FSTL4: variants seen among roughly 807,000 people sequenced by gnomAD.
The protein encoded by FSTL4 is follistatin-related protein 4.
In FSTL4, 28 loss-of-function variants were observed where a neutral mutation model predicts 78.2. The observed-to-expected ratio is 0.36, with a 90% CI of 0.27 to 0.49. FSTL4 has a LOEUF of 0.49. Ranked by LOEUF, FSTL4 falls within the 20% of genes least tolerant of loss-of-function variation. FSTL4 has a pLI of 0.98. For missense variants in FSTL4, 922 were observed against 1,084.9 expected, an observed-to-expected ratio of 0.85 and a Z score of 2.11; for synonymous variants, 422 against 440.5, an observed-to-expected ratio of 0.96 and a Z score of 0.53.
intron 4 of FSTL4, among the ~76,000 whole-genome samples, chr5:133,347,751 A>C (rs1348123110): frequency 6.6e-6 from 1 of 152,228 alleles, no homozygotes; most frequent in African/African-American, 2.4e-5. Flanking sequence ...GATTAATAAA[A>C]ACAAAAACAA....
chr5:133,397,622 A>G (rs1400602862), intron 4 of FSTL4, among the ~76,000 whole-genome samples: 1 of 150,878 alleles, frequency 6.6e-6, no homozygotes, highest in Non-Finnish European at 1.5e-5. Context: ...TCCCCCCACC[A>G]GTCCTCAGGA....
At chr5:133,342,142 G>T (rs79709042) in intron 4 of FSTL4, among the ~76,000 whole-genome samples, 15,933 of 152,184 alleles carry the variant, frequency 0.1, 1,032 homozygotes, top group African/African-American at 0.17. Flanking sequence ...CCTGTTGACA[G>T]GAGGGGGCAC....
At chr5:133,768,830 G>T in the FSTL4 span, among the ~76,000 whole-genome samples, 1 of 152,228 alleles carries the variant, frequency 6.6e-6, no homozygotes, top group Non-Finnish European at 1.5e-5. Context: ...GCTTTGAAAA[G>T]TGTTTCAATG....
chr5:133,623,983 T>C, the FSTL4 span, among the ~76,000 whole-genome samples: 1 of 152,064 alleles, frequency 6.6e-6, no homozygotes, highest in African/African-American at 2.4e-5. Flanking sequence ...TATGAATCAC[T>C]GGAAGCCTCA....
Position 133,406,605 on chromosome 5 carries a change from C to T in FSTL4, c.161-5619G>A, listed in dbSNP as rs559290604. On this transcript the variant is annotated intron_variant, in intron 3 of 15. Transcript: ENST00000265342. ...CGTCAGGTCCACCTCCACCCTGTAA[C>T]GCCTCATTTATATTCAAGGGTTGGG... Among the ~76,000 whole-genome samples the T allele has an allele frequency of 1.1e-4, 17 of 152,276 alleles. No homozygotes were observed. In the South Asian group the frequency reaches 3.1e-3, roughly 28 times the overall value.
At chr5:133,804,816 C>T in the FSTL4 span, among the ~76,000 whole-genome samples, 10 of 151,812 alleles carry the variant, frequency 6.6e-5, no homozygotes, top group East Asian at 3.9e-4. Context: ...TTGTGGCGGG[C>T]GCCTGTAGTC....
intron 4 of FSTL4, among the ~76,000 whole-genome samples, chr5:133,350,740 C>A (rs547476762): frequency 6.6e-6 from 1 of 152,294 alleles, no homozygotes; most frequent in South Asian, 2.1e-4. Context: ...ATTCTGCCAT[C>A]CCCTGGGTGT....
intron 2 of FSTL4, among the ~76,000 whole-genome samples, chr5:133,589,745 A>G (rs1481950355): frequency 6.6e-6 from 1 of 152,086 alleles, no homozygotes; most frequent in Non-Finnish European, 1.5e-5. Context: ...CCAAAGCTCA[A>G]TGTCATCAAA....
chr5:133,480,264 T>C (rs1758001597), intron 3 of FSTL4, among the ~76,000 whole-genome samples: 1 of 152,236 alleles, frequency 6.6e-6, no homozygotes, highest in Non-Finnish European at 1.5e-5. Context: ...TAAGCCTCCG[T>C]TTCCTCATCT....
At chr5:133,229,481 C>G (rs569582026) in intron 8 of FSTL4, among the ~76,000 whole-genome samples, 1 of 151,966 alleles carries the variant, frequency 6.6e-6, no homozygotes, top group East Asian at 1.9e-4. Flanking sequence ...CTAGATCATG[C>G]TATTGCACTC....
At chr5:133,213,528 T>C (rs1053277087) in intron 13 of FSTL4, among the ~76,000 whole-genome samples, 1 of 152,170 alleles carries the variant, frequency 6.6e-6, no homozygotes, top group Admixed American at 6.5e-5. Flanking sequence ...AGTTGAAGTG[T>C]TTTATGGTTC....
At chr5:133,320,905 G>C (rs1175632060) in intron 4 of FSTL4, among the ~76,000 whole-genome samples, 1 of 151,192 alleles carries the variant, frequency 6.6e-6, no homozygotes, top group African/African-American at 2.4e-5. Flanking sequence ...TACTCGGGAG[G>C]CTGAGGCAGG....
At chr5:133,267,576 G>A (rs925331973) in intron 6 of FSTL4, among the ~76,000 whole-genome samples, 7 of 152,164 alleles carry the variant, frequency 4.6e-5, no homozygotes, top group East Asian at 1.9e-4. Context: ...AAGCACCATG[G>A]CCATAGTGCT....
chr5:133,736,900 C>T, the FSTL4 span, among the ~76,000 whole-genome samples: 2 of 151,950 alleles, frequency 1.3e-5, no homozygotes, highest in Admixed American at 6.6e-5. Context: ...AAGCTGGAGA[C>T]GTGCCCACAG....
the FSTL4 span, among the ~76,000 whole-genome samples, chr5:133,816,932 G>A: frequency 6.6e-6 from 1 of 152,144 alleles, no homozygotes; most frequent in African/African-American, 2.4e-5. Context: ...GGGAGATCAG[G>A]GGTGTAAAGA....
intron 6 of FSTL4, among the ~76,000 whole-genome samples, chr5:133,283,916 T>C (rs1581592141): frequency 6.6e-6 from 1 of 152,146 alleles, no homozygotes; most frequent in Non-Finnish European, 1.5e-5. Flanking sequence ...TGTCTTAATA[T>C]GGCAGAGCAG....
chr5:133,329,701 A>G (rs974766850), intron 4 of FSTL4, among the ~76,000 whole-genome samples: 11 of 152,176 alleles, frequency 7.2e-5, no homozygotes, highest in Non-Finnish European at 1.5e-4. Flanking sequence ...TGCCTTCCCC[A>G]GCCCCCTGAC....
the FSTL4 span, among the ~76,000 whole-genome samples, chr5:133,765,182 T>C: frequency 6.6e-6 from 1 of 152,228 alleles, no homozygotes; most frequent in Non-Finnish European, 1.5e-5. Context: ...TGAAGTGGAT[T>C]TCTGTAGAAT....
the FSTL4 span, among the ~76,000 whole-genome samples, chr5:133,823,355 A>G: frequency 6.6e-6 from 1 of 152,198 alleles, no homozygotes; most frequent in South Asian, 2.1e-4. Flanking sequence ...ACTTCAGCAC[A>G]GCCCCAAATC....
Sources: gnomAD v4.1 joint callset for allele counts (sites outside exome capture counted in the v4.1 genomes callset) on GRCh38, gnomAD v4.1.1 for gene constraint, MANE v1.5 for transcripts, NCBI Gene and HGNC (gene_info 2026-07-23, HGNC 2026-07-21) for gene names.